Variants in CSMD3 observed in about 807,000 individuals in gnomAD.
CSMD3 encodes CUB and sushi domain-containing protein 3.
CSMD3 carries 177 observed loss-of-function variants against 435.2 expected under a neutral mutation model. The ratio of observed to expected loss-of-function variants is 0.41; its 90% CI spans 0.36 to 0.46. The LOEUF is 0.46. Among genes scored for constraint, CSMD3 ranks in the 20% least tolerant of loss-of-function variants. The probability of loss-of-function intolerance (pLI) is 0.34; values close to 1 mark genes in which losing one functional copy is unlikely to be tolerated. For missense variants in CSMD3, 4,265 were observed against 4,504.6 expected (o/e 0.95, Z 1.52); for synonymous variants, 1,656 against 1,520.5 (o/e 1.09, Z -2.07).
chr8:112,405,183 CAAAAAAAA>C (rs1274747452), intron 35 of CSMD3, among the ~76,000 whole-genome samples: 7 of 6,768 alleles, frequency 1.0e-3, no homozygotes, highest in Non-Finnish European at 1.6e-3. Context: ...GACTCTCTCT[CAAAAAAAA>C]AAAAAAAAAA....
At chr8:112,506,421 T>G (rs1286346590) in intron 29 of CSMD3, among the ~76,000 whole-genome samples, 1 of 152,096 alleles carries the variant, frequency 6.6e-6, no homozygotes, top group Admixed American at 6.6e-5. Flanking sequence ...TACCTAACAC[T>G]TCCAATGAAA....
At chr8:112,913,126 C>T (rs555038344) in intron 10 of CSMD3, among the ~76,000 whole-genome samples, 9 of 152,032 alleles carry the variant, frequency 5.9e-5, no homozygotes, top group Admixed American at 1.3e-4. Context: ...TCTGTGGACG[C>T]CTTCCTTAAC....
chr8:112,966,046 C>G (rs957364540), intron 7 of CSMD3, among the ~76,000 whole-genome samples: 1 of 151,458 alleles, frequency 6.6e-6, no homozygotes, highest in Non-Finnish European at 1.5e-5. Context: ...AAAAAGTAAA[C>G]AAAAAGTATG....
intron 40 of CSMD3, 53 bp from the exon 41 acceptor site, chr8:112,346,266 T>C (rs1825661569): frequency 3.7e-6 from 4 of 1,070,636 alleles, no homozygotes; most frequent in South Asian, 2.5e-5. Context: ...TAATTTACTG[T>C]ATTAAAAAAC....
chr8:113,047,141 G>A (rs574114539), intron 5 of CSMD3, among the ~76,000 whole-genome samples: 9 of 152,276 alleles, frequency 5.9e-5, no homozygotes, highest in Non-Finnish European at 1.2e-4. Context: ...GCTGAGCCCC[G>A]ATGGATGCCT....
chr8:112,718,875 A>G (rs2076794026), intron 13 of CSMD3, among the ~76,000 whole-genome samples: 1 of 152,134 alleles, frequency 6.6e-6, no homozygotes, highest in Admixed American at 6.6e-5. Flanking sequence ...ATAGTAGGTA[A>G]TTTAAAATAA....
chr8:112,848,959 A>C (rs1321251514), intron 11 of CSMD3, among the ~76,000 whole-genome samples: 1 of 152,142 alleles, frequency 6.6e-6, no homozygotes, highest in East Asian at 1.9e-4. Context: ...TAAGATCCAC[A>C]AGTGATGTGA....
At chr8:112,443,348 C>T (rs1045392759) in intron 32 of CSMD3, among the ~76,000 whole-genome samples, 1 of 151,720 alleles carries the variant, frequency 6.6e-6, no homozygotes, top group Non-Finnish European at 1.5e-5. Flanking sequence ...TGGCCAAAGT[C>T]CAAATAGGAA....
At chr8:112,584,911 A>G (rs1197957664) in intron 23 of CSMD3, among the ~76,000 whole-genome samples, 2 of 151,612 alleles carry the variant, frequency 1.3e-5, no homozygotes, top group African/African-American at 4.8e-5. Context: ...ATAACTTTCC[A>G]CCCTAAGATG....
chr8:112,879,584 A>G (rs1234683082), intron 10 of CSMD3, among the ~76,000 whole-genome samples: 3 of 151,978 alleles, frequency 2.0e-5, no homozygotes, highest in African/African-American at 7.2e-5. Flanking sequence ...CATAATAAAA[A>G]CTTGCTGGTT....
chr8:112,687,382 T>C (rs995008005), intron 14 of CSMD3, among the ~76,000 whole-genome samples: 1 of 152,156 alleles, frequency 6.6e-6, no homozygotes, highest in African/African-American at 2.4e-5. Flanking sequence ...GTTTATGATC[T>C]CTTAGTTTAT....
At chr8:112,733,692 G>C (rs1343970999) in intron 13 of CSMD3, among the ~76,000 whole-genome samples, 1 of 151,952 alleles carries the variant, frequency 6.6e-6, no homozygotes, top group Non-Finnish European at 1.5e-5. Context: ...TAGTCAATAT[G>C]ATAATGCAAT....
At chr8:113,099,816 C>T (rs1299693590) in intron 4 of CSMD3, among the ~76,000 whole-genome samples, 1 of 152,028 alleles carries the variant, frequency 6.6e-6, no homozygotes, top group Non-Finnish European at 1.5e-5. Flanking sequence ...GAAGCTGGGG[C>T]ATTTGCCTTA....
In CSMD3 at chr8:112,380,398, T is replaced by C. The variant is rs1234384169; in HGVS notation, c.6090A>G (p.Gln2030=). ...STSNNLYLNF[Q]SDISVSAAGF... ...CTGCAGCAGAAACACTGATGTCTGA[T>C]TGAAAATTTAGATACAGATTATTAG... Residue 2030 remains glutamine (Q), a synonymous_variant, in exon 38 of 71, where the codon CAA becomes CAG. Transcript: ENST00000297405. The C allele has an allele frequency of 2.5e-6, 4 of 1,603,972 alleles. No individual in the cohort carries two copies. The highest frequency in any genetic ancestry group is 2.2e-5 in the East Asian group (1 of 44,662).
At chr8:113,419,522 T>C (rs1000362394) in intron 1 of CSMD3, among the ~76,000 whole-genome samples, 2 of 152,110 alleles carry the variant, frequency 1.3e-5, no homozygotes, top group African/African-American at 4.8e-5. Flanking sequence ...CTCTGCTTGG[T>C]GTTGGGGGCA....
chr8:112,625,345 A>T (rs1279538493), intron 22 of CSMD3, among the ~76,000 whole-genome samples: 2 of 152,102 alleles, frequency 1.3e-5, no homozygotes, highest in Non-Finnish European at 2.9e-5. Flanking sequence ...ATCATATTAT[A>T]TTATCAGAAA....
intron 10 of CSMD3, among the ~76,000 whole-genome samples, chr8:112,871,612 G>T (rs1322465259): frequency 6.6e-6 from 1 of 151,938 alleles, no homozygotes; most frequent in African/African-American, 2.4e-5. Flanking sequence ...GAAAGAAAGT[G>T]CAAACAACCT....
intron 22 of CSMD3, among the ~76,000 whole-genome samples, chr8:112,598,985 A>T (rs1010953797): frequency 4.0e-5 from 6 of 150,480 alleles, no homozygotes; most frequent in African/African-American, 1.5e-4. Context: ...CAAAACACCA[A>T]AAGCAATGGC....
At chr8:112,566,370 A>C (rs1829065108) in intron 24 of CSMD3, among the ~76,000 whole-genome samples, 1 of 151,984 alleles carries the variant, frequency 6.6e-6, no homozygotes, top group African/African-American at 2.4e-5. Flanking sequence ...GTGGTAGATA[A>C]ATGTTAGCTG....
Sources: gnomAD v4.1 joint callset for allele counts (sites outside exome capture counted in the v4.1 genomes callset) on GRCh38, gnomAD v4.1.1 for gene constraint, MANE v1.5 for transcripts, NCBI Gene and HGNC (gene_info 2026-07-23, HGNC 2026-07-21) for gene names.